PCDH11X: variants seen among roughly 807,000 people sequenced by gnomAD.
PCDH11X encodes the protein protocadherin 11 X-linked, also known as protocadherin-11 X-linked.
In PCDH11X, 18 loss-of-function variants were observed where a neutral mutation model predicts 53.3. The ratio of observed to expected loss-of-function variants is 0.34; its 90% CI spans 0.23 to 0.50. The LOEUF is 0.50. Ranked by LOEUF, PCDH11X falls within the 20% of genes least tolerant of loss-of-function variation. PCDH11X has a pLI of 0.98. For missense variants in PCDH11X, 570 were observed against 1,032.4 expected, an observed-to-expected ratio of 0.55 and a Z score of 6.14; for synonymous variants, 279 against 393.3, an observed-to-expected ratio of 0.71 and a Z score of 3.44.
At chrX:92,459,792 T>C in intron 9 of PCDH11X, 1 of 1,183,399 alleles carries the variant, frequency 8.5e-7, no homozygotes, top group South Asian at 1.8e-5. Flanking sequence ...CCGGGGGCTC[T>C]GGTTCCCGGA....
chrX:92,072,859 G>C (rs1235848924), intron 6 of PCDH11X, among the ~76,000 whole-genome samples: 1 of 110,450 alleles, frequency 9.1e-6, no homozygotes, highest in East Asian at 2.9e-4. Flanking sequence ...CCTAGCACAG[G>C]GAGTTCCCTA....
intron 9 of PCDH11X, among the ~76,000 whole-genome samples, chrX:92,418,222 C>A (rs1372892246): frequency 3.7e-5 from 4 of 108,019 alleles, no homozygotes; most frequent in Admixed American, 3.0e-4. Context: ...AATTACTATT[C>A]AGTTTTGTTG....
intron 10 of PCDH11X, among the ~76,000 whole-genome samples, chrX:92,568,244 A>AC (rs1411626721): frequency 7.3e-5 from 8 of 109,468 alleles, no homozygotes; most frequent in African/African-American, 1.3e-4. Context: ...ACACGGTGAA[A>AC]CCTGTCTCAA....
chrX:92,429,294 T>G (rs1382766581), intron 9 of PCDH11X, among the ~76,000 whole-genome samples: 2 of 109,932 alleles, frequency 1.8e-5, no homozygotes, highest in Admixed American at 2.0e-4. Flanking sequence ...ATGCTCTCAA[T>G]TGGCCTATAA....
chrX:92,134,275 T>G (rs1569378031), intron 6 of PCDH11X, among the ~76,000 whole-genome samples: 4 of 110,902 alleles, frequency 3.6e-5, no homozygotes, highest in African/African-American at 6.6e-5. Flanking sequence ...ATGTCGTTTT[T>G]TTTGTTTGTT....
At chrX:91,808,272 A>G (rs1039396353) in intron 1 of PCDH11X, among the ~76,000 whole-genome samples, 65 of 106,868 alleles carry the variant, frequency 6.1e-4, no homozygotes, top group African/African-American at 2.1e-3. Context: ...CAAGGCGGGC[A>G]AATCATGAGG....
chrX:91,901,035 A>G lies in PCDH11X; in HGVS notation c.3033+21762A>G, dbSNP rs564022530. Among the ~76,000 whole-genome samples, 98 of 111,023 alleles carry G rather than the reference A, an allele frequency of 8.8e-4. 3 individuals are homozygous for G. The South Asian group carries it at 0.038, about 43-fold the overall frequency. On this transcript the variant is annotated intron_variant, in intron 6 of 10. Transcript: ENST00000682573. ...AAGTGAATGAGCTTCAGAATCAGGG[A>G]ACATGGTTTGTAACACTGACTTTTT...
At chrX:91,950,544 G>GTATA (rs377503795) in intron 6 of PCDH11X, among the ~76,000 whole-genome samples, 2 of 91,433 alleles carry the variant, frequency 2.2e-5, no homozygotes, top group Non-Finnish European at 4.3e-5. Flanking sequence ...TATCAATGTG[G>GTATA]TATATATATA....
At chrX:92,138,286 T>C (rs2065116159) in intron 6 of PCDH11X, among the ~76,000 whole-genome samples, 1 of 111,135 alleles carries the variant, frequency 9.0e-6, no homozygotes. Context: ...TTCCTTGTCT[T>C]TGCTATTGTG....
At chrX:92,148,119 T>C (rs1253063385) in intron 6 of PCDH11X, among the ~76,000 whole-genome samples, 5 of 20,346 alleles carry the variant, frequency 2.5e-4, no homozygotes, top group Admixed American at 1.7e-3. Flanking sequence ...TCTTTCTTTC[T>C]TTCTTTCTTT....
At position 92,253,849 on chromosome X, in the gene PCDH11X, G is replaced by C. The variant is rs1393550818; in HGVS notation, c.3115-9265G>C. On this transcript the variant is annotated intron_variant, in intron 7 of 10. Transcript: ENST00000682573. ...TCAATAGTTTTCTTGTGGAGTCTAG[G>C]TTTTCCATATATAAGAACATATGAT... 3.6e-5 allele frequency among the ~76,000 whole-genome samples: 4 copies of C among 111,608 alleles called. No individual in the cohort carries two copies. The East Asian group carries it at 1.1e-3, about 32-fold the overall frequency.
At chrX:91,868,907 G>T (rs1345981099) in intron 5 of PCDH11X, among the ~76,000 whole-genome samples, 2 of 111,249 alleles carry the variant, frequency 1.8e-5, no homozygotes, top group African/African-American at 6.5e-5. Context: ...TGTTCTTAAA[G>T]GACCTTTTTA....
At chrX:91,922,774 A>G (rs1324347239) in intron 6 of PCDH11X, among the ~76,000 whole-genome samples, 2 of 111,836 alleles carry the variant, frequency 1.8e-5, no homozygotes, top group African/African-American at 6.5e-5. Context: ...CCCTGGTGCC[A>G]CAAAAGCTGA....
chrX:92,363,841 T>C lies in PCDH11X; in HGVS notation c.3145-23894T>C, dbSNP rs1180381908. Among the ~76,000 whole-genome samples, 101 of 111,043 alleles carry C rather than the reference T, an allele frequency of 9.1e-4. 1 individual carries two copies. Among genetic ancestry groups the C allele is most frequent in the Non-Finnish European group, 3.6e-4 (19 of 52,745 alleles). On this transcript the variant is annotated intron_variant, in intron 8 of 10. Coordinates refer to ENST00000682573, the MANE Select transcript of PCDH11X (RefSeq NM_032968.5). Reference sequence around the variant, plus strand: ...ATAGTTTCCTTGTATTTGTACTTGGTTTAATGTGTTTTTTTTAAAATCATA... The same window carrying C: ...ATAGTTTCCTTGTATTTGTACTTGGCTTAATGTGTTTTTTTTAAAATCATA...
At chrX:92,263,549 C>T (rs187154247) in intron 8 of PCDH11X, among the ~76,000 whole-genome samples, 354 of 111,849 alleles carry the variant, frequency 3.2e-3, no homozygotes, top group Non-Finnish European at 4.2e-3. Context: ...GATAGGGTCA[C>T]AGAGAAGAAT....
chrX:91,818,880 A>G (rs1936540486), intron 4 of PCDH11X, among the ~76,000 whole-genome samples: 2 of 111,192 alleles, frequency 1.8e-5, no homozygotes, highest in Non-Finnish European at 3.8e-5. Context: ...AAATGCACAC[A>G]AGGGCATATG....
intron 8 of PCDH11X, among the ~76,000 whole-genome samples, chrX:92,372,029 C>T (rs1040493500): frequency 2.7e-5 from 3 of 110,574 alleles, no homozygotes; most frequent in African/African-American, 9.8e-5. Flanking sequence ...TTCCTAGCAA[C>T]AGATAACTAG....
chrX:91,868,542 C>T (rs1294679661), intron 5 of PCDH11X, among the ~76,000 whole-genome samples: 1 of 111,604 alleles, frequency 9.0e-6, no homozygotes, highest in Non-Finnish European at 1.9e-5. Flanking sequence ...TCAAGAAGCC[C>T]TGAGACTTAA....
At chrX:91,926,246 A>C in intron 6 of PCDH11X, among the ~76,000 whole-genome samples, 1 of 109,890 alleles carries the variant, frequency 9.1e-6, no homozygotes, top group African/African-American at 3.3e-5. Flanking sequence ...TAAAATCTGT[A>C]GGCCATCTGC....
Sources: allele counts gnomAD v4.1 joint callset (sites outside exome capture counted in the v4.1 genomes callset), GRCh38; gene constraint gnomAD v4.1.1; transcripts MANE v1.5; gene names NCBI Gene and HGNC (gene_info 2026-07-23, HGNC 2026-07-21).